RMDN2: variants seen among roughly 807,000 people sequenced by gnomAD.
RMDN2 encodes regulator of microtubule dynamics protein 2.
A neutral mutation model predicts 52.8 loss-of-function variants in RMDN2; 61 were observed. That is an observed-to-expected ratio of 1.16 (90% CI 0.94 to 1.43). The LOEUF (loss-of-function observed/expected upper bound fraction) is 1.43, where lower values mean the gene tolerates loss of function less well. Among genes scored for constraint, RMDN2 ranks in the 40% most tolerant of loss-of-function variants. The pLI, the probability that RMDN2 is intolerant of heterozygous loss-of-function variation, is 0.00. For missense variants in RMDN2, 592 were observed against 475.3 expected (o/e 1.25, Z -2.28); for synonymous variants, 180 against 153.1 (o/e 1.18, Z -1.30).
At chr2:38,008,909 A>G (rs1677522861) in intron 10 of RMDN2, among the ~76,000 whole-genome samples, 1 of 152,126 alleles carries the variant, frequency 6.6e-6, no homozygotes, top group South Asian at 2.1e-4. Flanking sequence ...GGTGGTGACA[A>G]AATCTCTCAG....
At chr2:38,006,404 C>T (rs905608878) in intron 10 of RMDN2, among the ~76,000 whole-genome samples, 12 of 152,106 alleles carry the variant, frequency 7.9e-5, no homozygotes, top group African/African-American at 1.2e-4. Flanking sequence ...TAGTTCTCCT[C>T]GAAGAGGTCC....
At chr2:38,013,209 C>T (rs1477749307) in intron 10 of RMDN2, among the ~76,000 whole-genome samples, 2 of 152,188 alleles carry the variant, frequency 1.3e-5, no homozygotes, top group Non-Finnish European at 1.5e-5. Flanking sequence ...ACTTCACTGG[C>T]AACCTGAAAG....
At chr2:37,921,860 T>C (rs1666041406), upstream of RMDN2, among the ~76,000 whole-genome samples, 1 of 152,182 alleles carries the variant, frequency 6.6e-6, no homozygotes, top group South Asian at 2.1e-4. Context: ...GTTGGGAAAA[T>C]GGAATAAGAT....
At chr2:37,936,686 GTCT>G (rs1224437758) in intron 2 of RMDN2, among the ~76,000 whole-genome samples, 6 of 152,208 alleles carry the variant, frequency 3.9e-5, no homozygotes, top group African/African-American at 1.4e-4. Context: ...CCACATAAAT[GTCT>G]TCTTTTGAAA....
At chr2:37,949,795 A>G (rs1668560464) in intron 2 of RMDN2, 1 of 152,290 alleles carries the variant, frequency 6.6e-6, no homozygotes, top group African/African-American at 2.4e-5. Flanking sequence ...AGGTAAGTAT[A>G]CACATACACG....
At chr2:37,988,771 C>T (rs917940790) in intron 5 of RMDN2, among the ~76,000 whole-genome samples, 5 of 152,112 alleles carry the variant, frequency 3.3e-5, no homozygotes, top group African/African-American at 7.2e-5. Context: ...GATTTTTGTA[C>T]AGGTAGAAAC....
At chr2:38,034,994 T>C (rs1000717232) in intron 10 of RMDN2, among the ~76,000 whole-genome samples, 3 of 152,156 alleles carry the variant, frequency 2.0e-5, no homozygotes, top group South Asian at 2.1e-4. Flanking sequence ...AGATACTAGC[T>C]CTAATTAGGA....
At chr2:37,989,995 C>A (rs1572965163) in intron 6 of RMDN2, among the ~76,000 whole-genome samples, 1 of 151,522 alleles carries the variant, frequency 6.6e-6, no homozygotes, top group Admixed American at 6.6e-5. Context: ...TACACACACA[C>A]AAAAATTAGT....
At chr2:38,004,080 T>A (rs778097991) in intron 9 of RMDN2, 36 bp downstream of exon 9, 1 of 1,606,826 alleles carries the variant, frequency 6.2e-7, no homozygotes, top group South Asian at 1.1e-5. Context: ...AAGATCACTT[T>A]GAACCTATCG....
intron 4 of RMDN2, among the ~76,000 whole-genome samples, chr2:37,976,531 A>C (rs562235141): frequency 6.6e-6 from 1 of 152,228 alleles, no homozygotes; most frequent in South Asian, 2.1e-4. Context: ...TTGTAATTAT[A>C]TTTTTCCACT....
intron 10 of RMDN2, among the ~76,000 whole-genome samples, chr2:38,065,053 G>A (rs924304776): frequency 1.3e-5 from 2 of 152,122 alleles, no homozygotes; most frequent in South Asian, 2.1e-4. Flanking sequence ...GCTGTTCCTC[G>A]CTGCATCATT....
At chr2:38,051,352 A>G (rs1009736003) in intron 10 of RMDN2, among the ~76,000 whole-genome samples, 5 of 152,160 alleles carry the variant, frequency 3.3e-5, no homozygotes, top group African/African-American at 9.7e-5. Context: ...CCTCTGTACA[A>G]TGCAATCAGG....
chr2:37,953,430 G>C (rs1669084861), intron 2 of RMDN2, among the ~76,000 whole-genome samples: 1 of 151,940 alleles, frequency 6.6e-6, no homozygotes, highest in South Asian at 2.1e-4. Context: ...CATATAAGTG[G>C]AATCGTATGG....
intron 2 of RMDN2, among the ~76,000 whole-genome samples, chr2:37,932,897 G>T (rs992382860): frequency 7.3e-5 from 11 of 150,410 alleles, no homozygotes; most frequent in African/African-American, 1.7e-4. Context: ...GGACGGGGCG[G>T]CTGGCCGGGC....
At chr2:38,000,937 C>T (rs1040408566) in intron 8 of RMDN2, among the ~76,000 whole-genome samples, 3 of 152,116 alleles carry the variant, frequency 2.0e-5, no homozygotes, top group African/African-American at 7.2e-5. Flanking sequence ...CTATTGATTC[C>T]AATGGCAGCT....
intron 8 of RMDN2, among the ~76,000 whole-genome samples, chr2:38,003,542 G>C (rs1394129932): frequency 1.9e-5 from 2 of 106,210 alleles, no homozygotes; most frequent in African/African-American, 6.5e-5. Context: ...AACAAAGCAA[G>C]ACCTGATAGA....
chr2:37,923,054 G>C (rs988898015), upstream of RMDN2: 1 of 152,204 alleles, frequency 6.6e-6, no homozygotes, highest in African/African-American at 2.4e-5. Context: ...GAGATTCTTA[G>C]TATGTTCTGG....
rs979238369 is a variant in RMDN2, at chr2:38,017,138, C to G, written c.1180-48C>G. 6.6e-6 allele frequency: 8 copies of G among 1,219,732 alleles called. No individual in the cohort carries two copies. In the African/African-American group the frequency reaches 1.2e-4, roughly 18 times the overall value. The allele number at this position is 1,219,732 out of a possible 1,614,324, so 75.6% of individuals were successfully genotyped here. A position where few individuals can be genotyped will look rare whatever the true frequency, so the allele number is the denominator to read the frequency against. On this transcript the variant is annotated intron_variant, in intron 10 of 10. Transcript: ENST00000354545. ...AGTCTGTTTCAGCATGCTAGAGTAT[C>G]AAGATGAATGCATGAAATTTCATTA...
intron 10 of RMDN2, among the ~76,000 whole-genome samples, chr2:38,050,689 T>C (rs6741148): frequency 1.3e-5 from 2 of 152,014 alleles, no homozygotes; most frequent in Non-Finnish European, 2.9e-5. Flanking sequence ...CTTCCACATA[T>C]GTTAATGTAA....
Sources: gnomAD v4.1 joint callset for allele counts (sites outside exome capture counted in the v4.1 genomes callset) on GRCh38, gnomAD v4.1.1 for gene constraint, MANE v1.5 for transcripts, NCBI Gene and HGNC (gene_info 2026-07-23, HGNC 2026-07-21) for gene names.